Variants in ULK4 observed in about 807,000 individuals in gnomAD.
ULK4 encodes the protein unc-51 like kinase 4.
Under a neutral mutation model 160.6 loss-of-function variants are expected in ULK4, and 133 were observed. The ratio of observed to expected loss-of-function variants is 0.83; its 90% confidence interval spans 0.72 to 0.96. The LOEUF is 0.96. Ranked by LOEUF, ULK4 falls within the 40% of genes least tolerant of loss-of-function variation. The pLI, the probability that ULK4 is intolerant of heterozygous loss-of-function variation, is 0.00. For missense variants in ULK4, 1,580 were observed against 1,499.5 expected, an observed-to-expected ratio of 1.05 and a Z score of -0.89; for synonymous variants, 534 against 539.8, an observed-to-expected ratio of 0.99 and a Z score of 0.15.
chr3:41,730,234 C>A (rs2037779278), intron 22 of ULK4, among the ~76,000 whole-genome samples: 1 of 151,944 alleles, frequency 6.6e-6, no homozygotes, highest in Admixed American at 6.6e-5. Context: ...CTTCAAGGAA[C>A]TAGAAAAACA....
chr3:41,950,886 T>C (rs1191001483), intron 2 of ULK4, among the ~76,000 whole-genome samples: 1 of 151,824 alleles, frequency 6.6e-6, no homozygotes, highest in Non-Finnish European at 1.5e-5. Flanking sequence ...GGCTCACACC[T>C]GTAATCCCAG....
chr3:41,347,560 T>C (rs890123190), intron 35 of ULK4, among the ~76,000 whole-genome samples: 1 of 152,122 alleles, frequency 6.6e-6, no homozygotes, highest in Admixed American at 6.5e-5. Context: ...CTCTTATATA[T>C]ATATGGTTCT....
intron 2 of ULK4, among the ~76,000 whole-genome samples, chr3:41,946,352 G>A (rs768513112): frequency 6.6e-6 from 1 of 152,094 alleles, no homozygotes; most frequent in Non-Finnish European, 1.5e-5. Context: ...AATCTACAAT[G>A]ATAGAAGTAA....
chr3:41,851,041 C>T (rs2042201037), intron 17 of ULK4, among the ~76,000 whole-genome samples: 2 of 152,156 alleles, frequency 1.3e-5, no homozygotes, highest in South Asian at 2.1e-4. Flanking sequence ...ATTTGACTTC[C>T]TCTTTTCCTA....
At chr3:41,667,571 C>G (rs1559472836) in intron 29 of ULK4, among the ~76,000 whole-genome samples, 1 of 152,140 alleles carries the variant, frequency 6.6e-6, no homozygotes, top group Non-Finnish European at 1.5e-5. Flanking sequence ...GAAATGGCCT[C>G]AGGGAAGACT....
chr3:41,848,961 T>C (rs1429517920), intron 17 of ULK4, among the ~76,000 whole-genome samples: 5 of 152,168 alleles, frequency 3.3e-5, no homozygotes, highest in Non-Finnish European at 7.4e-5. Context: ...GCCAATTAAC[T>C]GAAAGTGGAA....
chr3:41,811,933 T>C (rs1177029902), intron 19 of ULK4, among the ~76,000 whole-genome samples: 2 of 152,180 alleles, frequency 1.3e-5, no homozygotes, highest in East Asian at 3.9e-4. Flanking sequence ...TGAGAAATTA[T>C]GACACTCTTT....
chr3:41,326,298 TG>T (rs2080337322), intron 35 of ULK4, among the ~76,000 whole-genome samples: 1 of 152,336 alleles, frequency 6.6e-6, no homozygotes, highest in East Asian at 1.9e-4. Context: ...AGCTAATTCC[TG>T]CAAGAATTTC....
chr3:41,786,473 A>C (rs759020281), intron 21 of ULK4, among the ~76,000 whole-genome samples: 1 of 151,980 alleles, frequency 6.6e-6, no homozygotes, highest in African/African-American at 2.4e-5. Context: ...ATGGCGGTGC[A>C]CGCCAGTAGT....
intron 35 of ULK4, among the ~76,000 whole-genome samples, chr3:41,371,851 C>T (rs982415920): frequency 5.3e-5 from 8 of 151,882 alleles, no homozygotes; most frequent in Admixed American, 2.0e-4. Context: ...CTCCTCCAAG[C>T]TAAAGAGCAT....
chr3:41,371,160 T>A (rs755894728), intron 35 of ULK4, among the ~76,000 whole-genome samples: 8 of 152,146 alleles, frequency 5.3e-5, no homozygotes, highest in Non-Finnish European at 1.5e-5. Flanking sequence ...GTACTGTAGA[T>A]CAAACTCCCA....
chr3:41,959,036 T>C (rs1700578338), intron 1 of ULK4, among the ~76,000 whole-genome samples: 1 of 152,196 alleles, frequency 6.6e-6, no homozygotes, highest in Non-Finnish European at 1.5e-5. Flanking sequence ...AAGACCAGCC[T>C]GGCCAACATG....
chr3:41,660,298 A>T (rs2035105086), intron 30 of ULK4, among the ~76,000 whole-genome samples: 1 of 151,200 alleles, frequency 6.6e-6, no homozygotes, highest in South Asian at 2.1e-4. Context: ...CTCCGTCTCA[A>T]AAAAAAAAGA....
chr3:41,312,211 G>A (rs2080064801), intron 35 of ULK4, among the ~76,000 whole-genome samples: 1 of 152,080 alleles, frequency 6.6e-6, no homozygotes, highest in African/African-American at 2.4e-5. Context: ...CTGGCTTCAA[G>A]TGATCCTCCT....
intron 31 of ULK4, among the ~76,000 whole-genome samples, chr3:41,586,823 T>A (rs537296185): frequency 1.5e-4 from 23 of 152,256 alleles, no homozygotes; most frequent in African/African-American, 5.5e-4. Context: ...AGATGTACTA[T>A]CAATGTGAAT....
chr3:41,824,844 T>A (rs923906860), intron 18 of ULK4, among the ~76,000 whole-genome samples: 1 of 152,160 alleles, frequency 6.6e-6, no homozygotes, highest in East Asian at 1.9e-4. Flanking sequence ...CAGCTGGAGA[T>A]CTGAGAACGG....
intron 35 of ULK4, among the ~76,000 whole-genome samples, chr3:41,290,415 C>A (rs540158300): frequency 1.6e-4 from 25 of 152,306 alleles, no homozygotes; most frequent in African/African-American, 6.0e-4. Flanking sequence ...CTTCCACCAA[C>A]TGGAAAGTAG....
intron 35 of ULK4, among the ~76,000 whole-genome samples, chr3:41,370,666 G>A (rs991699157): frequency 6.6e-6 from 1 of 152,228 alleles, no homozygotes; most frequent in Non-Finnish European, 1.5e-5. Flanking sequence ...GCAACTTGCA[G>A]ACCAGGAAAT....
At chr3:41,265,347 G>A (rs981638708) in intron 35 of ULK4, among the ~76,000 whole-genome samples, 2 of 152,200 alleles carry the variant, frequency 1.3e-5, no homozygotes, top group African/African-American at 4.8e-5. Flanking sequence ...ACAGCCAGGC[G>A]GAGTGCAGCT....
Sources: gnomAD v4.1 joint callset for allele counts (sites outside exome capture counted in the v4.1 genomes callset) on GRCh38, gnomAD v4.1.1 for gene constraint, MANE v1.5 for transcripts, NCBI Gene and HGNC (gene_info 2026-07-23, HGNC 2026-07-21) for gene names.